The following DSCAM variants were observed in gnomAD, a reference collection of about 807,000 sequenced individuals.
The protein encoded by DSCAM is cell adhesion molecule DSCAM.
DSCAM carries 47 observed loss-of-function variants against 217.7 expected under a neutral mutation model. The observed-to-expected ratio is 0.22, with a 90% CI of 0.17 to 0.28. DSCAM has a LOEUF of 0.28. Among genes scored for constraint, DSCAM ranks in the 10% least tolerant of loss-of-function variants. The pLI, the probability that DSCAM is intolerant of heterozygous loss-of-function variation, is 1.00. For missense variants in DSCAM, 2,080 were observed against 2,618.3 expected (o/e 0.79, Z 4.49); for synonymous variants, 1,056 against 1,015.3 (o/e 1.04, Z -0.76).
intron 3 of DSCAM, among the ~76,000 whole-genome samples, chr21:40,429,413 T>C (rs907078586): frequency 6.6e-6 from 1 of 152,066 alleles, no homozygotes; most frequent in African/African-American, 2.4e-5. Context: ...GTTATAGGCA[T>C]GCACCACCAC....
intron 22 of DSCAM, 146 bp downstream of exon 22, chr21:40,087,024 C>T (rs923495712): frequency 1.9e-5 from 12 of 646,188 alleles, no homozygotes; most frequent in Admixed American, 1.5e-4. Context: ...CCTTCTCTGC[C>T]CTCATCTCAG....
intron 3 of DSCAM, among the ~76,000 whole-genome samples, chr21:40,521,240 A>G (rs2076356166): frequency 6.6e-6 from 1 of 152,186 alleles, no homozygotes; most frequent in Non-Finnish European, 1.5e-5. Flanking sequence ...AACATCTTAA[A>G]ATACACAGGA....
intron 3 of DSCAM, among the ~76,000 whole-genome samples, chr21:40,546,164 G>A (rs1199740563): frequency 6.6e-6 from 1 of 152,240 alleles, no homozygotes; most frequent in Non-Finnish European, 1.5e-5. Context: ...AGAGGGTTAA[G>A]GTGTAGAGAA....
chr21:40,526,149 C>A (rs2076398860), intron 3 of DSCAM, among the ~76,000 whole-genome samples: 2 of 152,180 alleles, frequency 1.3e-5, no homozygotes, highest in Admixed American at 6.5e-5. Context: ...TCTCGGGGAG[C>A]CCAGCGTCAG....
At chr21:40,089,795 C>A (rs1281925052) in intron 21 of DSCAM, among the ~76,000 whole-genome samples, 2 of 152,266 alleles carry the variant, frequency 1.3e-5, no homozygotes, top group East Asian at 3.9e-4. Flanking sequence ...CCTAGCTTAT[C>A]CCCTTTCCAG....
In DSCAM at chr21:40,011,710, G is replaced by A. The variant is rs1283846639; in HGVS notation, c.*1324C>T. On this transcript the variant is annotated 3_prime_UTR_variant, in exon 33 of 33. Coordinates refer to ENST00000400454, the MANE Select transcript of DSCAM (RefSeq NM_001389.5). ...GGATGAGCCACATGGGAGATAAAGT[G>A]AGGGAAAGGAAAGTAAAAACTTAGA... is the stretch of plus-strand genomic sequence containing the variant. The A allele has an allele frequency of 1.3e-5, 2 of 152,204 alleles. No individual in the cohort carries two copies. Among genetic ancestry groups the A allele is most frequent in the African/African-American group, 4.8e-5 (2 of 41,454 alleles). The allele number at this position is 152,204 out of a possible 1,614,324, so 9.4% of individuals were successfully genotyped here. A position where few individuals can be genotyped will look rare whatever the true frequency, so the allele number is the denominator to read the frequency against.
chr21:40,606,037 G>T (rs991785924), intron 3 of DSCAM, among the ~76,000 whole-genome samples: 2 of 151,966 alleles, frequency 1.3e-5, no homozygotes, highest in African/African-American at 4.8e-5. Context: ...CTGAACTCAG[G>T]CGAACCACCC....
At chr21:40,774,972 TATATA>T (rs1321149535) in intron 1 of DSCAM, among the ~76,000 whole-genome samples, 2 of 55,102 alleles carry the variant, frequency 3.6e-5, no homozygotes, top group Admixed American at 4.0e-4. Flanking sequence ...ATGTAATAAT[TATATA>T]ACATATAATT....
At position 40,793,636 on chromosome 21, in the gene DSCAM, G is replaced by A. The variant is rs1033561716; in HGVS notation, c.43+52983C>T. Among the ~76,000 whole-genome samples, 16 of 151,824 alleles carry A rather than the reference G, an allele frequency of 1.1e-4. 1 individual carries two copies. Among genetic ancestry groups the A allele is most frequent in the Admixed American group, 2.6e-4 (4 of 15,238 alleles). The stretch of plus-strand genomic sequence containing the variant: ...CTCCCGGGTAGCTGGGACTACAGAC[G>A]CACGCCACCATGGCTGGCTAATTTT... On this transcript the variant is annotated intron_variant, in intron 1 of 32. Coordinates refer to ENST00000400454, the MANE Select transcript of DSCAM (RefSeq NM_001389.5).
intron 3 of DSCAM, among the ~76,000 whole-genome samples, chr21:40,542,265 G>T (rs1463952791): frequency 1.3e-5 from 2 of 152,210 alleles, no homozygotes; most frequent in African/African-American, 2.4e-5. Flanking sequence ...TATTCAACAT[G>T]AATTTGAAAC....
intron 3 of DSCAM, among the ~76,000 whole-genome samples, chr21:40,417,324 G>A (rs1023196545): frequency 2.0e-5 from 3 of 152,094 alleles, no homozygotes; most frequent in Non-Finnish European, 4.4e-5. Flanking sequence ...TTGGTGTGCT[G>A]CACCCATTAA....
chr21:40,358,697 C>T (rs2074723301), intron 4 of DSCAM, among the ~76,000 whole-genome samples: 1 of 150,852 alleles, frequency 6.6e-6, no homozygotes, highest in Non-Finnish European at 1.5e-5. Context: ...ATCCCAGCTA[C>T]AGGCAGAGGC....
intron 18 of DSCAM, among the ~76,000 whole-genome samples, chr21:40,138,789 TGTATGTGTG>T (rs1173538924): frequency 2.6e-4 from 36 of 138,534 alleles, no homozygotes; most frequent in Admixed American, 7.7e-4. Flanking sequence ...GGGGGGTATG[TGTATGTGTG>T]GTATGTGTGG....
chr21:40,722,392 G>T (rs1283393246), intron 1 of DSCAM, among the ~76,000 whole-genome samples: 1 of 152,046 alleles, frequency 6.6e-6, no homozygotes, highest in Non-Finnish European at 1.5e-5. Context: ...GCAGGAGGAA[G>T]GAGGAAATAA....
chr21:40,733,995 G>C (rs576182090), intron 1 of DSCAM, among the ~76,000 whole-genome samples: 2 of 152,080 alleles, frequency 1.3e-5, no homozygotes, highest in Non-Finnish European at 2.9e-5. Flanking sequence ...GGGGTGTCTT[G>C]GCATCCGTAA....
intron 3 of DSCAM, among the ~76,000 whole-genome samples, chr21:40,591,956 C>A (rs943390339): frequency 3.9e-5 from 6 of 152,134 alleles, no homozygotes. Flanking sequence ...CTTACTTTGA[C>A]CTTAGCCAGG....
intron 18 of DSCAM, among the ~76,000 whole-genome samples, chr21:40,135,549 G>C (rs756966361): frequency 2.0e-5 from 3 of 152,198 alleles, no homozygotes; most frequent in East Asian, 3.9e-4. Flanking sequence ...CAGAAAATGG[G>C]CTGAAAATGG....
intron 1 of DSCAM, among the ~76,000 whole-genome samples, chr21:40,754,891 C>G (rs1203844333): frequency 6.6e-6 from 1 of 152,212 alleles, no homozygotes; most frequent in Non-Finnish European, 1.5e-5. Flanking sequence ...TGATTTGTTT[C>G]TCAAGTCTAT....
chr21:40,351,008 C>T (rs760620234), intron 5 of DSCAM, among the ~76,000 whole-genome samples: 23 of 150,790 alleles, frequency 1.5e-4, no homozygotes, highest in Non-Finnish European at 3.4e-4. Flanking sequence ...GCCTCAGCCT[C>T]CTGGGTAGCT....
Sources: allele counts gnomAD v4.1 joint callset (sites outside exome capture counted in the v4.1 genomes callset), GRCh38; gene constraint gnomAD v4.1.1; transcripts MANE v1.5; gene names NCBI Gene and HGNC (gene_info 2026-07-23, HGNC 2026-07-21).